MPPED1: variants seen among roughly 807,000 people sequenced by gnomAD.
The protein encoded by MPPED1 is metallophosphoesterase domain-containing protein 1.
In MPPED1, 16 loss-of-function variants were observed where a neutral mutation model predicts 36.2. The ratio of observed to expected loss-of-function variants is 0.44; its 90% CI spans 0.30 to 0.67. The LOEUF is 0.67. Ranked by LOEUF, MPPED1 falls within the 30% of genes least tolerant of loss-of-function variation. The probability of loss-of-function intolerance (pLI) is 0.10; values close to 1 mark genes in which losing one functional copy is unlikely to be tolerated. For missense variants in MPPED1, 307 were observed against 453.4 expected (o/e 0.68, Z 2.93); for synonymous variants, 199 against 191.3 (o/e 1.04, Z -0.33).
chr22:43,435,132 C>G lies in MPPED1; in HGVS notation c.323C>G (p.Pro108Arg). ...THSRTDPIQM[P>R]YGDVLIHAGD... The stretch of plus-strand genomic sequence containing the variant: ...TCGAGGACGGACCCCATCCAGATGC[C>G]GTACGGCGACGTGCTGATCCACGCT... Residue 108 changes from proline to arginine, a missense_variant, in exon 3 of 7, where the codon CCG becomes CGG. Physicochemically the swap from Pro to Arg is moderately radical, Grantham distance 103. Around this residue, in one of 3 missense-constraint regions of MPPED1, gnomAD observed 169 missense variants for 212.3 expected, o/e 0.80. Coordinates refer to ENST00000443721, the MANE Select transcript of MPPED1 (RefSeq NM_001044370.2). 1 of 1,613,800 alleles carries G rather than the reference C, an allele frequency of 6.2e-7. No individual in the cohort carries two copies. Among genetic ancestry groups the G allele is most frequent in the Non-Finnish European group, 8.5e-7 (1 of 1,179,890 alleles).
At chr22:43,445,620 G>A (rs916203080) in intron 3 of MPPED1, among the ~76,000 whole-genome samples, 1 of 147,910 alleles carries the variant, frequency 6.8e-6, no homozygotes, top group Middle Eastern at 3.4e-3. Context: ...GAGTGCGGTG[G>A]CACAATCATT....
intron 1 of MPPED1, among the ~76,000 whole-genome samples, chr22:43,419,441 G>A (rs1025208364): frequency 1.3e-5 from 2 of 152,126 alleles, no homozygotes; most frequent in Non-Finnish European, 2.9e-5. Flanking sequence ...GGGCCTTCTG[G>A]ACAGAGGGAA....
At chr22:43,471,320 C>G (rs1021422038) in intron 3 of MPPED1, among the ~76,000 whole-genome samples, 1 of 152,178 alleles carries the variant, frequency 6.6e-6, no homozygotes, top group Non-Finnish European at 1.5e-5. Flanking sequence ...GGTGGCCACC[C>G]CCAACCCGAG....
At chr22:43,444,298 G>A (rs1930256947) in intron 3 of MPPED1, among the ~76,000 whole-genome samples, 1 of 148,896 alleles carries the variant, frequency 6.7e-6, no homozygotes, top group Non-Finnish European at 1.5e-5. Context: ...GTGTGTGTGT[G>A]TGTGTGTGTG....
intron 3 of MPPED1, among the ~76,000 whole-genome samples, chr22:43,444,430 G>A (rs977885218): frequency 6.9e-6 from 1 of 145,528 alleles, no homozygotes; most frequent in Non-Finnish European, 1.5e-5. Context: ...GCAACGGCGC[G>A]ATCTCAGCTC....
intron 3 of MPPED1, among the ~76,000 whole-genome samples, chr22:43,440,269 C>T (rs1043235635): frequency 2.0e-5 from 3 of 152,230 alleles, no homozygotes; most frequent in African/African-American, 7.2e-5. Flanking sequence ...TCGCTGTTGC[C>T]ACACACGACT....
At position 43,435,058 on chromosome 22, in the gene MPPED1, C is replaced by T. The variant is rs1289745618; in HGVS notation, c.249C>T (p.Ala83=). 5 of 1,613,626 alleles carry T rather than the reference C, an allele frequency of 3.1e-6. No individual in the cohort carries two copies. Among genetic ancestry groups the T allele is most frequent in the Non-Finnish European group, 4.2e-6 (5 of 1,179,872 alleles). ...GGGTGGACCCGGTGCCTCACGATGC[C>T]CCCAAACCTCCAGGCTACACCCGCT... is the stretch of plus-strand genomic sequence containing the variant. The part of the protein sequence containing the change: ...VQMVDPVPHD[A]PKPPGYTRFV... The change falls in exon 3 of 7, where the codon GCC becomes GCT. Residue 83 remains alanine, a synonymous_variant. Coordinates refer to ENST00000443721, the MANE Select transcript of MPPED1 (RefSeq NM_001044370.2).
intron 3 of MPPED1, among the ~76,000 whole-genome samples, chr22:43,457,307 G>C (rs529506630): frequency 5.9e-5 from 9 of 151,972 alleles, no homozygotes; most frequent in Non-Finnish European, 1.2e-4. Context: ...ATTTTTTTCT[G>C]ATGCTGGTAT....
intron 3 of MPPED1, among the ~76,000 whole-genome samples, chr22:43,454,915 G>C (rs186317694): frequency 5.6e-4 from 85 of 152,266 alleles, no homozygotes; most frequent in African/African-American, 2.0e-3. Flanking sequence ...GTGTTGGTTT[G>C]ATAGGGCTTC....
At chr22:43,463,829 TTCTTTCTTTC>T (rs1931052658) in intron 3 of MPPED1, among the ~76,000 whole-genome samples, 13 of 141,456 alleles carry the variant, frequency 9.2e-5, no homozygotes, top group South Asian at 2.3e-4. Context: ...CTTTCTTTCT[TTCTTTCTTTC>T]TTTCTTTCTT....
chr22:43,445,077 G>A (rs74622997), intron 3 of MPPED1, among the ~76,000 whole-genome samples: 4,013 of 152,198 alleles, frequency 0.026, 152 homozygotes, highest in African/African-American at 0.08. Flanking sequence ...TTTGATTAAT[G>A]GCCCTGATTA....
chr22:43,507,815 C>T lies in MPPED1; in HGVS notation c.*2199C>T, dbSNP rs1447744693. 1 of 135,230 alleles carries T rather than the reference C, an allele frequency of 7.4e-6. No individual in the cohort carries two copies. Among genetic ancestry groups the T allele is most frequent in the Non-Finnish European group, 1.5e-5 (1 of 65,306 alleles). 8.4% of individuals were successfully genotyped at this position (135,230 alleles called of 1,614,324 possible). ...AATTTTTTTTTTTTTTTTTGTCAAG[C>T]ATGTCAGACAATAAAGTCTTTGTAA... On this transcript the variant is annotated 3_prime_UTR_variant, in exon 7 of 7. Coordinates refer to ENST00000443721, the MANE Select transcript of MPPED1 (RefSeq NM_001044370.2).
rs1931493128 is a variant in MPPED1 at position 43,474,848 on chromosome 22, G to A, written c.519G>A (p.Val173=). ...AGGACTTTTACTACTTCCCATCTGTGTCGAAGCTGAAGCCGGAGAACTATG... is the reference window on the plus strand; with the variant it reads ...AGGACTTTTACTACTTCCCATCTGTATCGAAGCTGAAGCCGGAGAACTATG... ...IKQDFYYFPS[V]SKLKPENYEN... is the part of the protein sequence containing the mutation. The change falls in exon 4 of 7, where the codon GTG becomes GTA. Residue 173 remains valine, a synonymous_variant. Coordinates refer to ENST00000443721, the MANE Select transcript of MPPED1 (RefSeq NM_001044370.2). This position sits in a 1 kb window ranked among gnomAD's most constrained non-coding sequence, Gnocchi z 5.2. 3 of 1,614,018 alleles carry A rather than the reference G, an allele frequency of 1.9e-6. No individual in the cohort carries two copies. The highest frequency in any genetic ancestry group is 2.5e-6 in the Non-Finnish European group (3 of 1,179,900).
intron 3 of MPPED1, among the ~76,000 whole-genome samples, chr22:43,466,007 T>TG (rs897365069): frequency 1.3e-5 from 2 of 152,216 alleles, no homozygotes; most frequent in African/African-American, 4.8e-5. Flanking sequence ...CCTTGATTTT[T>TG]GGGGGAAAAC....
chr22:43,478,680 A>G (rs528801722), intron 4 of MPPED1, among the ~76,000 whole-genome samples: 1 of 152,184 alleles, frequency 6.6e-6, no homozygotes, highest in Non-Finnish European at 1.5e-5. Flanking sequence ...GGTGGATGAC[A>G]GCAAGAGAGC....
At chr22:43,464,291 CTGTGTGTGTGTGTGTGTGTG>C (rs60119589) in intron 3 of MPPED1, among the ~76,000 whole-genome samples, 4 of 143,832 alleles carry the variant, frequency 2.8e-5, no homozygotes, top group Admixed American at 7.0e-5. Flanking sequence ...TTGGTCAGCT[CTGTGTGTGTGTGTGTGTGTG>C]TGTGTGTGTG....
At chr22:43,415,175 C>T (rs1929033788) in intron 1 of MPPED1, among the ~76,000 whole-genome samples, 1 of 129,786 alleles carries the variant, frequency 7.7e-6, no homozygotes, top group African/African-American at 2.7e-5. Context: ...TCCAGACTGC[C>T]ACTGAAGTTG....
intron 6 of MPPED1, 128 bp from the exon 7 acceptor site, chr22:43,505,370 C>T (rs982386218): frequency 2.7e-4 from 188 of 703,086 alleles, no homozygotes; most frequent in Non-Finnish European, 4.2e-4. Context: ...GGACTGACCT[C>T]GAGAGTTTAC....
At chr22:43,438,247 G>T (rs1411838273) in intron 3 of MPPED1, among the ~76,000 whole-genome samples, 2 of 152,200 alleles carry the variant, frequency 1.3e-5, no homozygotes, top group Non-Finnish European at 2.9e-5. Context: ...TCAGCTGGGT[G>T]GGCACGGAAG....
Sources: allele counts gnomAD v4.1 joint callset (sites outside exome capture counted in the v4.1 genomes callset), GRCh38; gene constraint gnomAD v4.1.1; regional missense constraint gnomAD v4.1.1; non-coding constraint Gnocchi (gnomAD v3.1); transcripts MANE v1.5; gene names NCBI Gene and HGNC (gene_info 2026-07-23, HGNC 2026-07-21).